SYNDIG1: variants seen among roughly 807,000 people sequenced by gnomAD.
The protein encoded by SYNDIG1 is synapse differentiation inducing 1.
Under a neutral mutation model 19.4 loss-of-function variants are expected in SYNDIG1, and 9 were observed. The ratio of observed to expected loss-of-function variants is 0.46; its 90% CI spans 0.28 to 0.81. The LOEUF (loss-of-function observed/expected upper bound fraction) is 0.81. Among genes scored for constraint, SYNDIG1 ranks in the 30% least tolerant of loss-of-function variants. The probability of loss-of-function intolerance (pLI) is 0.12; values close to 1 mark genes in which losing one functional copy is unlikely to be tolerated. For synonymous variants in SYNDIG1, 141 were observed against 145.9 expected, an observed-to-expected ratio of 0.97 and a Z score of 0.24; for missense variants, 311 against 343.3, an observed-to-expected ratio of 0.91 and a Z score of 0.74.
intron 2 of SYNDIG1, among the ~76,000 whole-genome samples, chr20:24,561,994 A>T (rs2057955606): frequency 6.6e-6 from 1 of 152,236 alleles, no homozygotes; most frequent in South Asian, 2.1e-4. Context: ...CCAGATCTGC[A>T]TGTGGATCAC....
intron 1 of SYNDIG1, among the ~76,000 whole-genome samples, chr20:24,482,007 A>T (rs1164047282): frequency 1.3e-5 from 2 of 152,226 alleles, no homozygotes; most frequent in Non-Finnish European, 2.9e-5. Flanking sequence ...GAACGCATAT[A>T]ATAATCTGGA....
chr20:24,576,539 G>A (rs1034334935), intron 2 of SYNDIG1, among the ~76,000 whole-genome samples: 4 of 152,172 alleles, frequency 2.6e-5, no homozygotes, highest in African/African-American at 7.2e-5. Context: ...GGGTCAAGGC[G>A]GGGCTCTGAG....
At chr20:24,580,917 A>G (rs2058311559) in intron 2 of SYNDIG1, among the ~76,000 whole-genome samples, 1 of 152,208 alleles carries the variant, frequency 6.6e-6, no homozygotes, top group African/African-American at 2.4e-5. Flanking sequence ...AATGCCTCCA[A>G]GTGCCTACGT....
chr20:24,522,181 C>T (rs1265059337), intron 1 of SYNDIG1, among the ~76,000 whole-genome samples: 1 of 152,122 alleles, frequency 6.6e-6, no homozygotes, highest in African/African-American at 2.4e-5. Flanking sequence ...CTCAAGTGAT[C>T]CTCCAGCATC....
At position 24,589,727 on chromosome 20, in the gene SYNDIG1, C is replaced by CATT. The variant is rs1600696913; in HGVS notation, c.618+4734_618+4735insATT. On this transcript the variant is annotated intron_variant, in intron 3 of 3. Transcript: ENST00000376862. Reference sequence around the variant, plus strand: ...TTTCATAAAATGTTTCTTTCCTTTACTAACTGCAACATTATAACAATAATT... The same window carrying CATT: ...TTTCATAAAATGTTTCTTTCCTTTACATTTAACTGCAACATTATAACAATAATT... 4.4e-4 allele frequency among the ~76,000 whole-genome samples: 67 copies of CATT among 152,322 alleles called. 3 individuals carry two copies. In the South Asian group the frequency reaches 0.014, roughly 32 times the overall value.
intron 3 of SYNDIG1, among the ~76,000 whole-genome samples, chr20:24,603,475 G>A (rs2058708845): frequency 6.6e-6 from 1 of 152,152 alleles, no homozygotes; most frequent in Non-Finnish European, 1.5e-5. Flanking sequence ...GCTTGTTCCT[G>A]CACGGTAAGT....
chr20:24,602,288 T>C (rs984639157), intron 3 of SYNDIG1, among the ~76,000 whole-genome samples: 2 of 152,238 alleles, frequency 1.3e-5, no homozygotes, highest in African/African-American at 4.8e-5. Context: ...ATTTTGAAGA[T>C]GAAGATGATG....
rs1221858196 is a variant in SYNDIG1 at position 24,589,148 on chromosome 20, GATAGAC to G, written c.618+4158_618+4163del. ...ACTGACATTTGTGAATGATACTGAG[GATAGAC>G]ATGAATCCCATAATTGGCTGAGTGG... On this transcript the variant is annotated intron_variant, in intron 3 of 3. Transcript: ENST00000376862. Among the ~76,000 whole-genome samples the G allele has an allele frequency of 3.3e-5, 5 of 152,186 alleles. No individual in the cohort carries two copies. In the East Asian group the frequency reaches 9.6e-4, roughly 29 times the overall value.
intron 3 of SYNDIG1, among the ~76,000 whole-genome samples, chr20:24,661,333 G>GAAGGA (rs2059584121): frequency 9.1e-6 from 1 of 109,846 alleles, no homozygotes; most frequent in Non-Finnish European, 2.0e-5. Context: ...GGGAAGAGAG[G>GAAGGA]GGGAGGAAGG....
intron 1 of SYNDIG1, among the ~76,000 whole-genome samples, chr20:24,476,708 A>T (rs1303021222): frequency 3.9e-5 from 6 of 152,106 alleles, no homozygotes; most frequent in Non-Finnish European, 7.3e-5. Flanking sequence ...AACAAAAAAA[A>T]ACTGTGGATA....
At chr20:24,638,932 A>G (rs2059344746) in intron 3 of SYNDIG1, among the ~76,000 whole-genome samples, 1 of 152,190 alleles carries the variant, frequency 6.6e-6, no homozygotes, top group Non-Finnish European at 1.5e-5. Context: ...CCAGGCACGC[A>G]GGACTTGTGC....
intron 3 of SYNDIG1, among the ~76,000 whole-genome samples, chr20:24,592,710 C>G (rs1348880907): frequency 1.3e-5 from 2 of 152,204 alleles, no homozygotes; most frequent in Non-Finnish European, 2.9e-5. Flanking sequence ...GCCTCCTAAA[C>G]TCAACCTATC....
chr20:24,618,175 C>G (rs1731506772), intron 3 of SYNDIG1, among the ~76,000 whole-genome samples: 4 of 92,922 alleles, frequency 4.3e-5, no homozygotes, highest in Admixed American at 2.3e-4. Context: ...AAGGGGGAGA[C>G]CCTGGGGAAG....
At chr20:24,613,810 G>T (rs118145154) in intron 3 of SYNDIG1, among the ~76,000 whole-genome samples, 2,819 of 152,312 alleles carry the variant, frequency 0.019, 41 homozygotes, top group Middle Eastern at 0.031. Flanking sequence ...TGGCATAAAT[G>T]GGATTTGGAG....
chr20:24,595,621 T>TTCC (rs1369813412), intron 3 of SYNDIG1, among the ~76,000 whole-genome samples: 1 of 152,204 alleles, frequency 6.6e-6, no homozygotes, highest in Non-Finnish European at 1.5e-5. Flanking sequence ...TGAAGCCATA[T>TTCC]AGTCCTTTCC....
chr20:24,477,309 T>C (rs2055657699), intron 1 of SYNDIG1, among the ~76,000 whole-genome samples: 1 of 151,962 alleles, frequency 6.6e-6, no homozygotes, highest in East Asian at 1.9e-4. Flanking sequence ...TGTTGGGCCA[T>C]AGCCCGTCCT....
chr20:24,661,787 G>A (rs145315333), intron 3 of SYNDIG1, among the ~76,000 whole-genome samples: 7 of 152,190 alleles, frequency 4.6e-5, no homozygotes, highest in African/African-American at 9.6e-5. Context: ...CACCAGGAGC[G>A]TCAGAAGGAA....
chr20:24,661,483 A>AG (rs1164297721), intron 3 of SYNDIG1, among the ~76,000 whole-genome samples: 3 of 74,134 alleles, frequency 4.0e-5, no homozygotes, highest in Admixed American at 1.1e-4. Context: ...GGGAAGAGGG[A>AG]GGAAGAAGGG....
chr20:24,607,262 G>A (rs1600730349), intron 3 of SYNDIG1, among the ~76,000 whole-genome samples: 2 of 149,604 alleles, frequency 1.3e-5, no homozygotes, highest in South Asian at 4.2e-4. Flanking sequence ...AGTGGAGGCT[G>A]AAGCAGGAGC....
Sources: gnomAD v4.1 joint callset for allele counts (sites outside exome capture counted in the v4.1 genomes callset) on GRCh38, gnomAD v4.1.1 for gene constraint, MANE v1.5 for transcripts, NCBI Gene and HGNC (gene_info 2026-07-23, HGNC 2026-07-21) for gene names.